Variants in C12orf56 observed in about 807,000 individuals in gnomAD.
C12orf56 encodes uncharacterized protein C12orf56.
C12orf56 carries 71 observed loss-of-function variants against 69.9 expected under a neutral mutation model. The observed-to-expected ratio is 1.02, with a 90% confidence interval of 0.84 to 1.24. The LOEUF is 1.24. Among genes scored for constraint, C12orf56 ranks in the 50% most tolerant of loss-of-function variants. The pLI, the probability that C12orf56 is intolerant of heterozygous loss-of-function variation, is 0.00. For missense variants in C12orf56, 732 were observed against 738.5 expected (o/e 0.99, Z 0.10); for synonymous variants, 276 against 274.1 (o/e 1.01, Z -0.07).
At chr12:64,364,883 A>G (rs1399480022) in intron 1 of C12orf56, among the ~76,000 whole-genome samples, 1 of 152,048 alleles carries the variant, frequency 6.6e-6, no homozygotes, top group Non-Finnish European at 1.5e-5. Context: ...TCCTTTGGGC[A>G]CTGCATGGCT....
intron 9 of C12orf56, among the ~76,000 whole-genome samples, chr12:64,276,760 G>A (rs186070522): frequency 3.3e-5 from 5 of 152,008 alleles, no homozygotes; most frequent in East Asian, 3.9e-4. Context: ...TTGGGAGGCC[G>A]AGACAGGCAA....
chr12:64,275,374 T>A lies in C12orf56; in HGVS notation c.1435-2A>T. The A allele has an allele frequency of 7.4e-7, 1 of 1,345,472 alleles. No individual in the cohort carries two copies. The highest frequency in any genetic ancestry group is 9.9e-7 in the Non-Finnish European group (1 of 1,013,360). The allele number at this position is 1,345,472 out of a possible 1,614,324, so 83.3% of individuals were successfully genotyped here. On this transcript the variant is annotated splice_acceptor_variant, in intron 9 of 12. Coordinates refer to ENST00000543942, the MANE Select transcript of C12orf56 (RefSeq NM_001170633.2). LOFTEE classifies it high-confidence loss of function. ...ATACTCCAGAATAAGCTTCTGTAAC[T>A]AGAATTTTCAAGAATAATCAATGCA...
At chr12:64,309,660 G>A (rs1305368667) in intron 5 of C12orf56, among the ~76,000 whole-genome samples, 1 of 151,982 alleles carries the variant, frequency 6.6e-6, no homozygotes, top group African/African-American at 2.4e-5. Context: ...ACAGGCATGT[G>A]CCACCACACC....
intron 8 of C12orf56, among the ~76,000 whole-genome samples, chr12:64,281,438 G>A (rs192172416): frequency 8.6e-5 from 13 of 152,042 alleles, no homozygotes; most frequent in Non-Finnish European, 1.8e-4. Context: ...CGAGCGTGGT[G>A]GCACACACCT....
At chr12:64,380,159 A>C (rs2039701467) in intron 1 of C12orf56, among the ~76,000 whole-genome samples, 1 of 150,510 alleles carries the variant, frequency 6.6e-6, no homozygotes, top group African/African-American at 2.5e-5. Flanking sequence ...AAAAACGCAC[A>C]ATGCAGCTAA....
At chr12:64,268,163 A>G (rs1215817605) in intron 12 of C12orf56, among the ~76,000 whole-genome samples, 1 of 152,214 alleles carries the variant, frequency 6.6e-6, no homozygotes, top group Non-Finnish European at 1.5e-5. Context: ...AGTTGAAAAC[A>G]CTAGTTTAAA....
chr12:64,315,357 A>C (rs10878146), intron 4 of C12orf56, among the ~76,000 whole-genome samples: 1 of 146,836 alleles, frequency 6.8e-6, no homozygotes, highest in Admixed American at 6.9e-5. Flanking sequence ...AAATATTTAC[A>C]TTTTCCTTAA....
chr12:64,371,263 C>T (rs1458020390), intron 1 of C12orf56, among the ~76,000 whole-genome samples: 6 of 151,152 alleles, frequency 4.0e-5, no homozygotes, highest in African/African-American at 9.7e-5. Flanking sequence ...AAACATTAGC[C>T]GGGAGTGGTG....
In C12orf56 at chr12:64,284,757, G is replaced by T. The variant is rs2136765952; in HGVS notation, c.1221-4C>A. On this transcript the variant is annotated splice_region_variant and splice_polypyrimidine_tract_variant and intron_variant, in intron 7 of 12. Coordinates refer to ENST00000543942, the MANE Select transcript of C12orf56 (RefSeq NM_001170633.2). ...CTGTATAATTTCAATGCATGCCCTA[G>T]AAAATAAACGATAAAAGGCAAAGAA... 6.4e-7 allele frequency: 1 copy of T among 1,572,426 alleles called. No individual in the cohort carries two copies. Among genetic ancestry groups the T allele is most frequent in the African/African-American group, 1.4e-5 (1 of 73,562 alleles).
chr12:64,308,559 A>G (rs1359999782), intron 5 of C12orf56, among the ~76,000 whole-genome samples: 1 of 151,474 alleles, frequency 6.6e-6, no homozygotes. Context: ...AATCCCATGT[A>G]CCCAGCTGGG....
rs187769420 is a variant in C12orf56 at position 64,326,769 on chromosome 12, C to G, written c.488+4191G>C. 3.7e-3 allele frequency among the ~76,000 whole-genome samples: 559 copies of G among 151,556 alleles called. 1 individual carries two copies. Among genetic ancestry groups the G allele is most frequent in the Non-Finnish European group, 6.1e-3 (416 of 67,882 alleles). On this transcript the variant is annotated intron_variant, in intron 3 of 12. Transcript: ENST00000543942. ...AAAAAAAAAGAAAGAAAGAAATTGT[C>G]ACAATGTGGTATCAGTAAAAACCCA... is the stretch of plus-strand genomic sequence containing the variant.
At chr12:64,308,939 AGAAGAAAGAAAGAAAG>A (rs2038562311) in intron 5 of C12orf56, among the ~76,000 whole-genome samples, 1 of 26,412 alleles carries the variant, frequency 3.8e-5, no homozygotes, top group Non-Finnish European at 9.2e-5. Context: ...AAAGAAAGAA[AGAAGAAAGAAAGAAAG>A]AAAGAAAGAA....
intron 1 of C12orf56, among the ~76,000 whole-genome samples, chr12:64,367,838 T>TG (rs2039519023): frequency 6.8e-6 from 1 of 148,018 alleles, no homozygotes; most frequent in Admixed American, 6.8e-5. Context: ...AATGGAGTCT[T>TG]GCTCTGTCAC....
chr12:64,270,499 A>C, intron 12 of C12orf56, 37 bp downstream of exon 12: 1 of 1,439,582 alleles, frequency 6.9e-7, no homozygotes, highest in Admixed American at 2.7e-5. Context: ...AATGAGTGAA[A>C]TCTTACTGCA....
intron 4 of C12orf56, among the ~76,000 whole-genome samples, chr12:64,317,526 G>A (rs188346028): frequency 2.6e-5 from 4 of 152,178 alleles, no homozygotes; most frequent in East Asian, 1.9e-4. Flanking sequence ...TTGGGAGGCC[G>A]AGGTGGGCGG....
intron 11 of C12orf56, 33 bp from the exon 12 acceptor site, chr12:64,270,747 G>A: frequency 6.5e-7 from 1 of 1,535,768 alleles, no homozygotes; most frequent in Non-Finnish European, 8.8e-7. Context: ...CATGTAGGCT[G>A]TGTGCCACCC....
chr12:64,366,900 T>TTA (rs1273680944), intron 1 of C12orf56, among the ~76,000 whole-genome samples: 1 of 129,684 alleles, frequency 7.7e-6, no homozygotes, highest in Non-Finnish European at 1.5e-5. Flanking sequence ...AACATACAGT[T>TTA]TATATATTAT....
intron 5 of C12orf56, among the ~76,000 whole-genome samples, chr12:64,309,495 TTTTGTTTGTTTG>T (rs139454399): frequency 4.6e-5 from 7 of 151,248 alleles, no homozygotes; most frequent in Admixed American, 2.0e-4. Context: ...CACACTGTTT[TTTTGTTTGTTTG>T]TTTGTTTGTT....
At chr12:64,304,119 T>G (rs1477996321) in intron 5 of C12orf56, among the ~76,000 whole-genome samples, 1 of 152,234 alleles carries the variant, frequency 6.6e-6, no homozygotes, top group African/African-American at 2.4e-5. Context: ...ACTAGCTTTT[T>G]TTTTTAAGAA....
Sources: gnomAD v4.1 joint callset for allele counts (sites outside exome capture counted in the v4.1 genomes callset) on GRCh38, gnomAD v4.1.1 for gene constraint, MANE v1.5 for transcripts, NCBI Gene and HGNC (gene_info 2026-07-23, HGNC 2026-07-21) for gene names.